RASSF3: variants seen among roughly 807,000 people sequenced by gnomAD.
The protein encoded by RASSF3 is Ras association domain family member 3, also known as ras association domain-containing protein 3.
RASSF3 carries 19 observed loss-of-function variants against 19.9 expected under a neutral mutation model. The ratio of observed to expected loss-of-function variants is 0.96; its 90% CI spans 0.67 to 1.40. The LOEUF (loss-of-function observed/expected upper bound fraction) is 1.40. Among genes scored for constraint, RASSF3 ranks in the 40% most tolerant of loss-of-function variants. The pLI is 0.00. For missense variants in RASSF3, 306 were observed against 289.8 expected, an observed-to-expected ratio of 1.06 and a Z score of -0.41; for synonymous variants, 110 against 104.2, an observed-to-expected ratio of 1.06 and a Z score of -0.34.
intron 1 of RASSF3, among the ~76,000 whole-genome samples, chr12:64,619,808 C>T (rs1212225010): frequency 2.6e-5 from 4 of 151,840 alleles, no homozygotes; most frequent in East Asian, 1.9e-4. Flanking sequence ...AGTGAAACCC[C>T]GTCTCTACTA....
chr12:64,691,123 A>G (rs1393303527), intron 3 of RASSF3, among the ~76,000 whole-genome samples: 1 of 152,036 alleles, frequency 6.6e-6, no homozygotes, highest in South Asian at 2.1e-4. Context: ...CGGCCTCCCA[A>G]AGTATTGGGA....
intron 1 of RASSF3, among the ~76,000 whole-genome samples, chr12:64,684,435 G>GTTT (rs56163162): frequency 5.3e-5 from 7 of 131,210 alleles, no homozygotes; most frequent in Middle Eastern, 4.2e-3. Context: ...TTGTTTGTTT[G>GTTT]TTTTTTTTTT....
At chr12:64,649,075 C>T (rs955257020) in intron 1 of RASSF3, among the ~76,000 whole-genome samples, 4 of 151,778 alleles carry the variant, frequency 2.6e-5, no homozygotes, top group Non-Finnish European at 5.9e-5. Context: ...TCTCAGGGTG[C>T]TGGGATTAAA....
At chr12:64,642,574 AAAAAAAAAAAAAAAG>A (rs1263961696) in intron 1 of RASSF3, among the ~76,000 whole-genome samples, 2 of 149,610 alleles carry the variant, frequency 1.3e-5, no homozygotes, top group African/African-American at 2.5e-5. Flanking sequence ...AAAAAAAAAA[AAAAAAAAAAAAAAAG>A]ATTCATCAAA....
chr12:64,668,383 A>G (rs566336238), intron 1 of RASSF3, among the ~76,000 whole-genome samples: 157 of 151,926 alleles, frequency 1.0e-3, no homozygotes, highest in African/African-American at 3.1e-3. Context: ...GGCTCAATCA[A>G]TTCTCCAGCC....
downstream of RASSF3, among the ~76,000 whole-genome samples, chr12:64,543,528 TCCCCC>T: frequency 2.4e-5 from 1 of 42,052 alleles, no homozygotes; most frequent in East Asian, 2.8e-3. Context: ...CCCCCCGCTC[TCCCCC>T]GCCCCCCGCC....
intron 2 of RASSF3, among the ~76,000 whole-genome samples, chr12:64,593,361 A>G (rs1200705745): frequency 6.6e-6 from 1 of 152,146 alleles, no homozygotes; most frequent in Non-Finnish European, 1.5e-5. Context: ...AGCTGGGACT[A>G]TAGATACATA....
Position 64,684,768 on chromosome 12 carries a change from T to C in RASSF3, c.112-19T>C, listed in dbSNP as rs765396772. ...TTTTTATGATTGCTCACATGTGACA[T>C]GTCTTGTTTTTCTTCTAGGATGTTG... On this transcript the variant is annotated intron_variant, in intron 1 of 4. Coordinates refer to ENST00000542104, the MANE Select transcript of RASSF3 (RefSeq NM_178169.4). The C allele has an allele frequency of 8.5e-6, 13 of 1,530,614 alleles. No homozygotes were observed. Among genetic ancestry groups the C allele is most frequent in the Non-Finnish European group, 1.2e-5 (13 of 1,104,214 alleles). 94.8% of individuals were successfully genotyped at this position (1,530,614 alleles called of 1,614,324 possible).
At chr12:64,547,546 A>G (rs1046796513) in intron 2 of RASSF3, among the ~76,000 whole-genome samples, 2 of 152,182 alleles carry the variant, frequency 1.3e-5, no homozygotes, top group Non-Finnish European at 2.9e-5. Flanking sequence ...CAGCCTGGCA[A>G]CAGAGTGAGA....
At chr12:64,616,505 A>ATAAG (rs1309492114) in intron 1 of RASSF3, among the ~76,000 whole-genome samples, 4 of 152,194 alleles carry the variant, frequency 2.6e-5, no homozygotes, top group Non-Finnish European at 5.9e-5. Flanking sequence ...GTCTCCAAGC[A>ATAAG]TAAGTAGCTG....
intron 2 of RASSF3, among the ~76,000 whole-genome samples, chr12:64,577,666 G>T (rs1322196811): frequency 6.6e-6 from 1 of 152,050 alleles, no homozygotes; most frequent in African/African-American, 2.4e-5. Flanking sequence ...CAGGAGGCAG[G>T]GGTGGCAGCG....
intron 2 of RASSF3, among the ~76,000 whole-genome samples, chr12:64,577,884 G>A (rs938815987): frequency 2.6e-5 from 4 of 151,984 alleles, no homozygotes; most frequent in Non-Finnish European, 5.9e-5. Context: ...TCTCAATCAT[G>A]GTTTCTGCCT....
At chr12:64,564,116 G>A (rs1326496399) in intron 2 of RASSF3, among the ~76,000 whole-genome samples, 1 of 152,050 alleles carries the variant, frequency 6.6e-6, no homozygotes, top group Non-Finnish European at 1.5e-5. Flanking sequence ...AAATCTTTTG[G>A]CTTTCAATAT....
chr12:64,520,910 G>A (rs1464768792), intron 1 of RASSF3, among the ~76,000 whole-genome samples: 2 of 152,206 alleles, frequency 1.3e-5, no homozygotes, highest in Non-Finnish European at 1.5e-5. Context: ...GTGATGTCAA[G>A]TGGCTAAACA....
At chr12:64,691,957 C>G (rs1213585546) in intron 4 of RASSF3, among the ~76,000 whole-genome samples, 1 of 152,176 alleles carries the variant, frequency 6.6e-6, no homozygotes, top group Non-Finnish European at 1.5e-5. Context: ...TTGCTACTAA[C>G]AAAAGTCTCC....
At chr12:64,510,172 C>A (rs1207710048) in intron 1 of RASSF3, among the ~76,000 whole-genome samples, 1 of 151,756 alleles carries the variant, frequency 6.6e-6, no homozygotes, top group African/African-American at 2.4e-5. Context: ...AGGATTATAT[C>A]CCCTCCAGAG....
At chr12:64,542,340 A>T (rs1425136794), downstream of RASSF3, among the ~76,000 whole-genome samples, 1 of 152,130 alleles carries the variant, frequency 6.6e-6, no homozygotes, top group Non-Finnish European at 1.5e-5. Context: ...TCAAAAAAAC[A>T]AAACAAAAGA....
chr12:64,555,254 T>C (rs1869237554), intron 2 of RASSF3, among the ~76,000 whole-genome samples: 1 of 151,326 alleles, frequency 6.6e-6, no homozygotes, highest in African/African-American at 2.4e-5. Context: ...AAAAAAAAAT[T>C]TGATTCTAGA....
chr12:64,687,444 ATTTGTTTTTT>A (rs1328056118), intron 2 of RASSF3, among the ~76,000 whole-genome samples: 1 of 150,106 alleles, frequency 6.7e-6, no homozygotes, highest in Non-Finnish European at 1.5e-5. Context: ...AGTGGTTTGA[ATTTGTTTTTT>A]TTTGTTTTGT....
Sources: allele counts gnomAD v4.1 joint callset (sites outside exome capture counted in the v4.1 genomes callset), GRCh38; gene constraint gnomAD v4.1.1; transcripts MANE v1.5; gene names NCBI Gene and HGNC (gene_info 2026-07-23, HGNC 2026-07-21).